BRF1: variants seen among roughly 807,000 people sequenced by gnomAD.
BRF1 encodes BRF1 general transcription factor IIIB subunit.
In BRF1, 59 loss-of-function variants were observed where a neutral mutation model predicts 81.7. The ratio of observed to expected loss-of-function variants is 0.72; its 90% CI spans 0.59 to 0.90. The LOEUF (loss-of-function observed/expected upper bound fraction) is 0.90. Ranked by LOEUF, BRF1 falls within the 40% of genes least tolerant of loss-of-function variation. BRF1 has a pLI of 0.00. For synonymous variants in BRF1, 491 were observed against 395.6 expected, an observed-to-expected ratio of 1.24 and a Z score of -2.86; for missense variants, 1,050 against 936.3, an observed-to-expected ratio of 1.12 and a Z score of -1.58.
At position 105,265,067 on chromosome 14, in the gene BRF1, TTGTTTG is replaced by T. The variant is rs1403058541; in HGVS notation, c.439+7648_439+7653del. Among the ~76,000 whole-genome samples the T allele has an allele frequency of 9.6e-3, 1,391 of 144,576 alleles. 51 individuals carry two copies. Among genetic ancestry groups the T allele is most frequent in the African/African-American group, 0.033 (1,232 of 37,074 alleles). 94.8% of individuals were successfully genotyped at this position (144,576 alleles called of 152,430 possible). On this transcript the variant is annotated intron_variant, in intron 3 of 17. Transcript: ENST00000547530. ...ATCCTTTTTTTTGTTTTTTTTTTGT[TTGTTTG>T]TTTTTTTAGAGACAGGGTCTCACTC...
chr14:105,222,002 TA>T, intron 10 of BRF1, 88 bp from the exon 11 acceptor site: 1 of 1,467,626 alleles, frequency 6.8e-7, no homozygotes, highest in South Asian at 1.4e-5. Flanking sequence ...AGCTGCCAGG[TA>T]ACCCATAGAA....
intron 3 of BRF1, among the ~76,000 whole-genome samples, chr14:105,260,251 G>A (rs1368701763): frequency 2.0e-5 from 3 of 152,324 alleles, no homozygotes; most frequent in South Asian, 2.1e-4. Context: ...GTACACAGAC[G>A]TCTGCAACTT....
Position 105,246,699 on chromosome 14 carries a change from C to T in BRF1, c.545-5285G>A, listed in dbSNP as rs140000606. Among the ~76,000 whole-genome samples, 496 of 152,120 alleles carry T rather than the reference C, an allele frequency of 3.3e-3. 9 individuals carry two copies. The highest frequency in any genetic ancestry group is 0.011 in the African/African-American group (469 of 41,518). On this transcript the variant is annotated intron_variant, in intron 5 of 17. Transcript: ENST00000547530. The stretch of plus-strand genomic sequence containing the variant: ...CTCAAACTCCTGACCTCAAGTGATC[C>T]GCCCACCTTGGCCTCCCAAAGTGCT...
intron 6 of BRF1, among the ~76,000 whole-genome samples, chr14:105,229,739 T>A (rs1229218992): frequency 4.4e-5 from 1 of 22,602 alleles, no homozygotes; most frequent in Admixed American, 4.8e-4. Context: ...GTCGCCCAGC[T>A]GGGGGCGGGG....
chr14:105,249,709 G>A (rs778281906), intron 5 of BRF1: 1 of 1,613,834 alleles, frequency 6.2e-7, no homozygotes, highest in African/African-American at 1.3e-5. Context: ...CTGCTAAGAA[G>A]TACATCGTCC....
At chr14:105,215,415 C>T (rs200840668) in intron 15 of BRF1, among the ~76,000 whole-genome samples, 1 of 152,160 alleles carries the variant, frequency 6.6e-6, no homozygotes, top group East Asian at 1.9e-4. Context: ...CACACATGCA[C>T]ACACACTATG....
intron 3 of BRF1, among the ~76,000 whole-genome samples, chr14:105,272,278 A>G (rs1204576491): frequency 1.3e-5 from 2 of 148,166 alleles, no homozygotes; most frequent in African/African-American, 2.5e-5. Context: ...CGGCCTCCCC[A>G]CCCATCGCCC....
At chr14:105,292,588 G>A (rs2057561095) in intron 1 of BRF1, among the ~76,000 whole-genome samples, 1 of 152,166 alleles carries the variant, frequency 6.6e-6, no homozygotes, top group South Asian at 2.1e-4. Flanking sequence ...GGAATTCAGG[G>A]GTCCCACAGG....
At position 105,241,374 on chromosome 14, in the gene BRF1, T is replaced by C. The variant is rs1269631192; in HGVS notation, c.585A>G (p.Glu195=). 1 of 1,612,758 alleles carries C rather than the reference T, an allele frequency of 6.2e-7. No homozygotes were observed. The highest frequency in any genetic ancestry group is 1.1e-5 in the South Asian group (1 of 91,088). The stretch of plus-strand genomic sequence containing the variant: ...ACACCTCGTGGTTCTTCTCCCCGAA[T>C]TCCAGCAGGTGCGCAAAGCGTGGAA... ...LYIPRFAHLL[E]FGEKNHEVSM... is the part of the protein sequence containing the mutation. Residue 195 remains glutamate, a synonymous_variant, in exon 6 of 18, where the codon GAA becomes GAG. Coordinates refer to ENST00000547530, the MANE Select transcript of BRF1 (RefSeq NM_001519.4).
intron 3 of BRF1, among the ~76,000 whole-genome samples, chr14:105,257,425 C>A (rs751417892): frequency 2.4e-4 from 36 of 152,332 alleles, no homozygotes; most frequent in Non-Finnish European, 4.7e-4. Context: ...CTCATCCACG[C>A]CCTGGGCTGG....
intron 3 of BRF1, among the ~76,000 whole-genome samples, chr14:105,257,191 A>C (rs900041758): frequency 2.0e-5 from 3 of 152,212 alleles, no homozygotes; most frequent in Non-Finnish European, 4.4e-5. Context: ...ACATGGATAC[A>C]TAAGTTATCA....
intron 14 of BRF1, 127 bp from the exon 15 acceptor site, chr14:105,217,927 C>A (rs1450803237): frequency 2.1e-6 from 3 of 1,406,850 alleles, no homozygotes; most frequent in Non-Finnish European, 2.9e-6. Flanking sequence ...AGGGCCGCTC[C>A]TGCCTCCTCC....
At chr14:105,219,783 G>C (rs992070455) in intron 12 of BRF1, 2 of 533,328 alleles carry the variant, frequency 3.8e-6, no homozygotes, top group African/African-American at 3.8e-5. Flanking sequence ...GCTGCCCCTG[G>C]TGCTATTTGT....
At chr14:105,228,747 T>G in intron 7 of BRF1, 73 bp downstream of exon 7, 1 of 1,559,224 alleles carries the variant, frequency 6.4e-7, no homozygotes, top group South Asian at 1.1e-5. Context: ...TGGCGCCTGC[T>G]CTGGCAAGCA....
chr14:105,252,576 T>C lies in BRF1; in HGVS notation c.475A>G (p.Asn159Asp). ...LLDLSDLLQV[N>D]VYVLGKTFLL... ...AACGTCTTTCCAAGCACGTACACAT[T>C]CACCTGAGATGGAGAGATCACAACC... is the stretch of plus-strand genomic sequence containing the variant. Residue 159 changes from asparagine to aspartate, a missense_variant, in exon 5 of 18, where the codon AAT (asparagine) becomes GAT (aspartate). Physicochemically the swap from Asn to Asp is conservative, Grantham distance 23. Transcript: ENST00000547530. 6.2e-7 allele frequency: 1 copy of C among 1,613,196 alleles called. No individual in the cohort carries two copies. Among genetic ancestry groups the C allele is most frequent in the Non-Finnish European group, 8.5e-7 (1 of 1,179,798 alleles).
At chr14:105,220,283 C>T (rs1395907943) in intron 11 of BRF1, among the ~76,000 whole-genome samples, 153 bp from the exon 12 acceptor site, 5 of 152,240 alleles carry the variant, frequency 3.3e-5, no homozygotes, top group African/African-American at 1.2e-4. Flanking sequence ...GCCCTGTCTG[C>T]CCACATGACC....
intron 5 of BRF1, chr14:105,247,013 T>TA: frequency 1.0e-6 from 1 of 985,472 alleles, no homozygotes; most frequent in African/African-American, 1.7e-5. Flanking sequence ...GATGGACATG[T>TA]AGGCTGTCTC....
At chr14:105,292,438 C>T (rs1413626383) in intron 1 of BRF1, among the ~76,000 whole-genome samples, 4 of 152,210 alleles carry the variant, frequency 2.6e-5, no homozygotes, top group Admixed American at 2.0e-4. Flanking sequence ...GTCTCAAACT[C>T]TTGACCTCAA....
At chr14:105,256,884 C>T (rs910814667) in intron 3 of BRF1, among the ~76,000 whole-genome samples, 1 of 152,146 alleles carries the variant, frequency 6.6e-6, no homozygotes, top group Non-Finnish European at 1.5e-5. Flanking sequence ...CCCACACACC[C>T]GCCTGCCCAG....
Sources: gnomAD v4.1 joint callset for allele counts (sites outside exome capture counted in the v4.1 genomes callset) on GRCh38, gnomAD v4.1.1 for gene constraint, MANE v1.5 for transcripts, NCBI Gene and HGNC (gene_info 2026-07-23, HGNC 2026-07-21) for gene names.